The following KYNU variants were observed in gnomAD, a reference collection of about 807,000 sequenced individuals.
KYNU encodes the protein kynureninase.
A neutral mutation model predicts 59.2 loss-of-function variants in KYNU; 54 were observed. The ratio of observed to expected loss-of-function variants is 0.91; its 90% CI spans 0.73 to 1.14. The LOEUF is 1.14. KYNU is among the 50% of genes most tolerant of loss of function. The pLI, the probability that KYNU is intolerant of heterozygous loss-of-function variation, is 0.00. For missense variants in KYNU, 567 were observed against 554.4 expected, an observed-to-expected ratio of 1.02 and a Z score of -0.23; for synonymous variants, 177 against 192.0, an observed-to-expected ratio of 0.92 and a Z score of 0.65.
At chr2:142,917,546 C>T (rs1373508232) in intron 2 of KYNU, among the ~76,000 whole-genome samples, 2 of 152,148 alleles carry the variant, frequency 1.3e-5, no homozygotes, top group Non-Finnish European at 2.9e-5. Context: ...AAGTGATCCT[C>T]CCAATTTTGC....
intron 8 of KYNU, among the ~76,000 whole-genome samples, chr2:142,976,490 C>T (rs1684886358): frequency 6.6e-6 from 1 of 152,152 alleles, no homozygotes; most frequent in Non-Finnish European, 1.5e-5. Context: ...CATTCAGTAG[C>T]TCTAGGACAA....
chr2:142,962,074 T>TTTAGATG (rs1161608285), intron 8 of KYNU, among the ~76,000 whole-genome samples: 18 of 152,232 alleles, frequency 1.2e-4, no homozygotes, highest in Admixed American at 4.6e-4. Context: ...GTCTTCTTAA[T>TTTAGATG]TTAGATGTTA....
At position 143,054,200 on chromosome 2, in the gene KYNU, A is replaced by G. The variant is rs1687314342; in HGVS notation, c.*12028A>G. On this transcript the variant is annotated 3_prime_UTR_variant, in exon 14 of 14. Transcript: ENST00000264170. Reference sequence around the variant, plus strand: ...CTTTTTAAATTTTAGATTCTACAATATCTCCAATTCTTCAGTTTATTCCCT... The same window carrying G: ...CTTTTTAAATTTTAGATTCTACAATGTCTCCAATTCTTCAGTTTATTCCCT... 1.3e-5 allele frequency: 2 copies of G among 152,160 alleles called. No individual in the cohort carries two copies. The highest frequency in any genetic ancestry group is 4.8e-5 in the African/African-American group (2 of 41,462). The allele number at this position is 152,160 out of a possible 1,614,324, so 9.4% of individuals were successfully genotyped here.
At chr2:142,900,943 A>G (rs1682059879) in intron 2 of KYNU, among the ~76,000 whole-genome samples, 2 of 152,124 alleles carry the variant, frequency 1.3e-5, no homozygotes, top group African/African-American at 4.8e-5. Flanking sequence ...TGGAAGAGAC[A>G]AACTTAACAA....
chr2:142,989,229 T>TA (rs1329582751), intron 10 of KYNU: 1 of 318,556 alleles, frequency 3.1e-6, no homozygotes, highest in Admixed American at 5.1e-5. Context: ...TCTGTATGAC[T>TA]ACTGACTCTA....
chr2:142,901,629 T>C (rs1427733495), intron 2 of KYNU, among the ~76,000 whole-genome samples: 2 of 152,168 alleles, frequency 1.3e-5, no homozygotes, highest in Non-Finnish European at 2.9e-5. Context: ...TTTTTTTCCA[T>C]ATTGCTGTGT....
At chr2:143,017,775 T>C (rs1277904960) in intron 10 of KYNU, among the ~76,000 whole-genome samples, 1 of 151,964 alleles carries the variant, frequency 6.6e-6, no homozygotes, top group African/African-American at 2.4e-5. Context: ...TCCTGACTGG[T>C]GTGAGGTGGT....
intron 10 of KYNU, among the ~76,000 whole-genome samples, chr2:143,016,998 G>A (rs1370027883): frequency 6.6e-6 from 1 of 152,088 alleles, no homozygotes; most frequent in African/African-American, 2.4e-5. Context: ...GAGAACCTGC[G>A]ATATTTGGTT....
rs1398715804 is a variant in KYNU, at chr2:142,960,772, T to C, written c.729+2T>C. The stretch of plus-strand genomic sequence containing the variant: ...ATCACAAAAGCTGGACAAGCGAAGG[T>C]ATGCACGCCATTTACTTCTTCCCAC... On this transcript the variant is annotated splice_donor_variant, in intron 8 of 13. Transcript: ENST00000264170. LOFTEE classifies it high-confidence loss of function. 1.2e-6 allele frequency: 2 copies of C among 1,613,814 alleles called. No individual in the cohort carries two copies. The highest frequency in any genetic ancestry group is 1.7e-5 in the Admixed American group (1 of 60,002).
At chr2:142,917,751 A>G (rs1448858800) in intron 2 of KYNU, among the ~76,000 whole-genome samples, 2 of 152,268 alleles carry the variant, frequency 1.3e-5, no homozygotes, top group East Asian at 3.8e-4. Context: ...AAAGATGCCA[A>G]TGAAAAACAA....
chr2:142,980,720 A>G (rs529167066), intron 8 of KYNU, among the ~76,000 whole-genome samples: 19 of 152,158 alleles, frequency 1.2e-4, no homozygotes, highest in Non-Finnish European at 2.2e-4. Flanking sequence ...GGTTGTGTCA[A>G]TATGAGTGTG....
At chr2:142,985,356 A>G (rs1268972824) in intron 9 of KYNU, among the ~76,000 whole-genome samples, 174 bp downstream of exon 9, 2 of 151,986 alleles carry the variant, frequency 1.3e-5, no homozygotes, top group Non-Finnish European at 2.9e-5. Flanking sequence ...GATAATTAAT[A>G]TAATTCTAGT....
intron 8 of KYNU, among the ~76,000 whole-genome samples, chr2:142,973,091 A>G (rs1339333615): frequency 1.3e-5 from 2 of 150,336 alleles, no homozygotes; most frequent in Non-Finnish European, 3.0e-5. Flanking sequence ...CTAATCTCAT[A>G]TATACACATT....
intron 3 of KYNU, 144 bp downstream of exon 3, chr2:142,918,873 C>A: frequency 2.2e-6 from 2 of 911,618 alleles, no homozygotes; most frequent in Non-Finnish European, 3.4e-6. Context: ...AGTTCCAGGG[C>A]CTCCCTATCA....
At chr2:142,995,455 A>G (rs975082969) in intron 10 of KYNU, among the ~76,000 whole-genome samples, 1 of 152,158 alleles carries the variant, frequency 6.6e-6, no homozygotes, top group Non-Finnish European at 1.5e-5. Context: ...GAATTTTATG[A>G]TACATCCTAA....
rs1311360826 is a variant in KYNU, at chr2:143,007,262, A to T, written c.902+21241A>T. 4.7e-5 allele frequency among the ~76,000 whole-genome samples: 7 copies of T among 149,876 alleles called. 1 individual carries two copies. The East Asian group carries it at 1.4e-3, about 29-fold the overall frequency. ...GGCTCGAGAACTACATGAAGAATGC[A>T]GAAGCCTCAGGAACCGGTGCGATCA... On this transcript the variant is annotated intron_variant, in intron 10 of 13. Transcript: ENST00000264170.
At chr2:142,946,953 T>C (rs1683805180) in intron 4 of KYNU, among the ~76,000 whole-genome samples, 1 of 152,220 alleles carries the variant, frequency 6.6e-6, no homozygotes, top group African/African-American at 2.4e-5. Context: ...ACTTAACTGT[T>C]TCACCTTGTA....
intron 4 of KYNU, among the ~76,000 whole-genome samples, chr2:142,937,523 G>A (rs1427928358): frequency 1.3e-5 from 2 of 150,524 alleles, no homozygotes; most frequent in East Asian, 3.9e-4. Context: ...TAAATTTAAC[G>A]GAGTTTAATT....
At chr2:143,028,882 A>AAAAC (rs1686657809) in intron 10 of KYNU, among the ~76,000 whole-genome samples, 1 of 140,080 alleles carries the variant, frequency 7.1e-6, no homozygotes, top group Non-Finnish European at 1.6e-5. Flanking sequence ...CAAAACAAAA[A>AAAAC]CAATATGAAA....
Sources: gnomAD v4.1 joint callset for allele counts (sites outside exome capture counted in the v4.1 genomes callset) on GRCh38, gnomAD v4.1.1 for gene constraint, MANE v1.5 for transcripts, NCBI Gene and HGNC (gene_info 2026-07-23, HGNC 2026-07-21) for gene names.